Variants in EBF3 observed in about 807,000 individuals in gnomAD.
EBF3 encodes EBF transcription factor 3, also known as transcription factor COE3.
Under a neutral mutation model 77.1 loss-of-function variants are expected in EBF3, and 18 were observed. That is an observed-to-expected ratio of 0.23 (90% CI 0.16 to 0.35). The LOEUF (loss-of-function observed/expected upper bound fraction) is 0.35. Ranked by LOEUF, EBF3 falls within the 10% of genes least tolerant of loss-of-function variation. The probability of loss-of-function intolerance (pLI) is 1.00; values close to 1 mark genes in which losing one functional copy is unlikely to be tolerated. For synonymous variants in EBF3, 350 were observed against 343.5 expected (o/e 1.02, Z -0.21); for missense variants, 558 against 860.0 (o/e 0.65, Z 4.39).
At chr10:129,936,293 G>C (rs2134453765) in intron 6 of EBF3, among the ~76,000 whole-genome samples, 1 of 152,236 alleles carries the variant, frequency 6.6e-6, no homozygotes, top group African/African-American at 2.4e-5. Flanking sequence ...CATAACCCCT[G>C]CCCAGCCCAC....
intron 16 of EBF3, 136 bp from the exon 17 acceptor site, chr10:129,838,096 G>A (rs963461297): frequency 1.5e-4 from 162 of 1,079,338 alleles, no homozygotes; most frequent in South Asian, 5.6e-4. Context: ...CACCAGCCTC[G>A]GGCGTGGTTA....
chr10:129,963,582 G>GCCGGGCCGGGC lies in EBF3; in HGVS notation c.134+42_134+52dup, dbSNP rs1859705236. On this transcript the variant is annotated intron_variant, in intron 1 of 16. Transcript: ENST00000440978. The surrounding 1 kb of genome is among the most constrained non-coding windows in gnomAD (Gnocchi z 7.1). ...AGCGCGGCGCCGGCCGGCGGAGGGG[G>GCCGGGCCGGGC]CCGGGCCGGGCCGGGGCCGGGGCCA... is the stretch of plus-strand genomic sequence containing the variant. 8.1e-7 allele frequency: 1 copy of GCCGGGCCGGGC among 1,231,762 alleles called. No homozygotes were observed. Among genetic ancestry groups the GCCGGGCCGGGC allele is most frequent in the Non-Finnish European group, 1.0e-6 (1 of 980,588 alleles). 76.3% of individuals were successfully genotyped at this position (1,231,762 alleles called of 1,614,324 possible). A position where few individuals can be genotyped will look rare whatever the true frequency, so the allele number is the denominator to read the frequency against.
rs547402130 is a variant in EBF3 at position 129,895,734 on chromosome 10, T to A, written c.555-17885A>T. 3.3e-4 allele frequency among the ~76,000 whole-genome samples: 51 copies of A among 152,270 alleles called. 1 individual carries two copies. Among genetic ancestry groups the A allele is most frequent in the Admixed American group, 7.2e-4 (11 of 15,300 alleles). On this transcript the variant is annotated intron_variant, in intron 6 of 16. Coordinates refer to ENST00000440978, the MANE Select transcript of EBF3 (RefSeq NM_001375380.1). The stretch of plus-strand genomic sequence containing the variant: ...ACAAATAAACTTGTATCGATACTTG[T>A]GCCATTTTAAAATGATACTTTTGAT...
intron 5 of EBF3, 57 bp from the exon 6 acceptor site, chr10:129,957,383 C>CT: frequency 1.5e-6 from 2 of 1,330,658 alleles, no homozygotes; most frequent in South Asian, 2.8e-5. Flanking sequence ...TTATGCCCGA[C>CT]TTGTATTTTT....
At position 129,839,195 on chromosome 10, in the gene EBF3, C is replaced by T. The variant is rs1849827615; in HGVS notation, c.1760G>A (p.Gly587Asp). 1.6e-6 allele frequency: 2 copies of T among 1,256,086 alleles called. No individual in the cohort carries two copies. The highest frequency in any genetic ancestry group is 4.4e-4 in the Middle Eastern group (2 of 4,590). 77.8% of individuals were successfully genotyped at this position (1,256,086 alleles called of 1,614,324 possible). The change falls in exon 16 of 17, where the codon GGC becomes GAC. Residue 587 changes from glycine (G) to aspartate (D), a missense_variant and splice_region_variant. This residue lies in a region of EBF3 where 284 missense variants were observed against 368.3 expected (regional missense o/e 0.77). Transcript: ENST00000440978. The part of the protein sequence containing the change: ...CTSANGNGLQ[G>D]SLLGAEDVAA... ...TACGTCCTCAGCACCCAGCAGAGAG[C>T]CTGGTACATAGTAGGTGCTCAGTAA...
intron 11 of EBF3, among the ~76,000 whole-genome samples, chr10:129,846,896 C>T (rs1014850517): frequency 2.0e-5 from 3 of 151,950 alleles, no homozygotes; most frequent in Non-Finnish European, 4.4e-5. Context: ...ATGCCCATAA[C>T]TGAGAAAGTC....
chr10:129,945,932 A>G (rs1177653192), intron 6 of EBF3, among the ~76,000 whole-genome samples: 1 of 152,018 alleles, frequency 6.6e-6, no homozygotes, highest in African/African-American at 2.4e-5. Context: ...TTTTACGTTT[A>G]GTGGAGGCCG....
chr10:129,879,909 A>G lies in EBF3; in HGVS notation c.555-2060T>C, dbSNP rs1311477725. On this transcript the variant is annotated intron_variant, in intron 6 of 16. Coordinates refer to ENST00000440978, the MANE Select transcript of EBF3 (RefSeq NM_001375380.1). The surrounding 1 kb of genome is among the most constrained non-coding windows in gnomAD (Gnocchi z 4.7). The stretch of plus-strand genomic sequence containing the variant: ...GCAACACGGTGCAATTACACCACAC[A>G]TTACCACCCAGCTAATCTTCGGAGC... Among the ~76,000 whole-genome samples the G allele has an allele frequency of 6.6e-6, 1 of 152,090 alleles. No individual in the cohort carries two copies. The highest frequency in any genetic ancestry group is 1.5e-5 in the Non-Finnish European group (1 of 68,030).
chr10:129,907,597 T>A (rs899594010), intron 6 of EBF3, among the ~76,000 whole-genome samples: 7 of 152,202 alleles, frequency 4.6e-5, no homozygotes, highest in Non-Finnish European at 7.3e-5. Flanking sequence ...AGCACCAAGA[T>A]GCCTCGAAAT....
At position 129,947,492 on chromosome 10, in the gene EBF3, C is replaced by T. The variant is rs1043197537; in HGVS notation, c.554+9766G>A. On this transcript the variant is annotated intron_variant, in intron 6 of 16. Transcript: ENST00000440978. This position sits in a 1 kb window ranked among gnomAD's most constrained non-coding sequence, Gnocchi z 4.5. ...CTGAATTCATTCTGTTCTTATGCCA[C>T]GGTGCAGTATATTTGCCTTCCCAAT... is the stretch of plus-strand genomic sequence containing the variant. Among the ~76,000 whole-genome samples, 6 of 152,140 alleles carry T rather than the reference C, an allele frequency of 3.9e-5. No homozygotes were observed. The highest frequency in any genetic ancestry group is 7.3e-5 in the Non-Finnish European group (5 of 68,034).
rs1263590279 is a variant in EBF3 at position 129,841,740 on chromosome 10, G to A, written c.1372+376C>T. On this transcript the variant is annotated intron_variant, in intron 13 of 16. Transcript: ENST00000440978. The surrounding 1 kb of genome is among the most constrained non-coding windows in gnomAD (Gnocchi z 4.6). ...CGTTCCAAACTTAGACCCAAATCCC[G>A]CCGTGCAGTGCGTCCAAGCAGGCTC... Among the ~76,000 whole-genome samples the A allele has an allele frequency of 4.6e-5, 7 of 152,236 alleles. No homozygotes were observed. Among genetic ancestry groups the A allele is most frequent in the East Asian group, 1.9e-4 (1 of 5,164 alleles).
intron 6 of EBF3, among the ~76,000 whole-genome samples, chr10:129,939,653 T>A (rs1015730377): frequency 3.9e-5 from 6 of 152,232 alleles, no homozygotes; most frequent in African/African-American, 1.4e-4. Flanking sequence ...GCCATCATTC[T>A]GCTCCTCTGC....
rs1460825495 is a variant in EBF3 at position 129,842,766 on chromosome 10, A to AAG, written c.1194+370_1194+371insCT. Among the ~76,000 whole-genome samples, 1 of 150,460 alleles carries AAG rather than the reference A, an allele frequency of 6.6e-6. No individual in the cohort carries two copies. Among genetic ancestry groups the AAG allele is most frequent in the Non-Finnish European group, 1.5e-5 (1 of 67,584 alleles). The stretch of plus-strand genomic sequence containing the variant: ...GTGACAGAGCAAGACCCTGTCTAAA[A>AAG]AAAAAAAAAAAAAAAGGGAGCAACA... On this transcript the variant is annotated intron_variant, in intron 12 of 16. Coordinates refer to ENST00000440978, the MANE Select transcript of EBF3 (RefSeq NM_001375380.1). The surrounding 1 kb of genome is among the most constrained non-coding windows in gnomAD (Gnocchi z 4.4).
intron 6 of EBF3, among the ~76,000 whole-genome samples, chr10:129,888,291 G>A (rs1853760301): frequency 1.3e-5 from 2 of 152,180 alleles, no homozygotes; most frequent in East Asian, 1.9e-4. Flanking sequence ...TGGCTTTTGC[G>A]TCCTTAGATC....
rs575600984 is a variant in EBF3, at chr10:129,892,011, G to A, written c.555-14162C>T. 8.2e-4 allele frequency among the ~76,000 whole-genome samples: 125 copies of A among 152,350 alleles called. 1 individual carries two copies. Among genetic ancestry groups the A allele is most frequent in the Non-Finnish European group, 1.6e-3 (107 of 68,034 alleles). On this transcript the variant is annotated intron_variant, in intron 6 of 16. Transcript: ENST00000440978. ...ACCTGCAGCCAATCAGGCTGTTAAG[G>A]GAGATTGATGGGCCCGCCTCTCTCT...
At chr10:129,942,725 C>T (rs1334680428) in intron 6 of EBF3, among the ~76,000 whole-genome samples, 2 of 152,166 alleles carry the variant, frequency 1.3e-5, no homozygotes, top group Non-Finnish European at 2.9e-5. Context: ...AGCGTGGTGA[C>T]TGCATTGGAA....
chr10:129,870,292 G>C lies in EBF3; in HGVS notation c.782-2380C>G, dbSNP rs1456017483. On this transcript the variant is annotated intron_variant, in intron 8 of 16. Coordinates refer to ENST00000440978, the MANE Select transcript of EBF3 (RefSeq NM_001375380.1). This position sits in a 1 kb window ranked among gnomAD's most constrained non-coding sequence, Gnocchi z 4.4. ...AAAATGAATTACACAGACAGCGTTA[G>C]AGATCTAATGATATACGCGCACAAT... is the stretch of plus-strand genomic sequence containing the variant. Among the ~76,000 whole-genome samples the C allele has an allele frequency of 6.6e-6, 1 of 152,098 alleles. No individual in the cohort carries two copies. Among genetic ancestry groups the C allele is most frequent in the African/African-American group, 2.4e-5 (1 of 41,424 alleles).
chr10:129,870,656 C>T lies in EBF3; in HGVS notation c.782-2744G>A, dbSNP rs1852343030. On this transcript the variant is annotated intron_variant, in intron 8 of 16. Coordinates refer to ENST00000440978, the MANE Select transcript of EBF3 (RefSeq NM_001375380.1). This position sits in a 1 kb window ranked among gnomAD's most constrained non-coding sequence, Gnocchi z 4.4. Reference sequence around the variant, plus strand: ...AACACCCTCTGCCCATCGTGACCCCCGCCGGCTCTCCCCAGGGCCTGCGGG... The same window carrying T: ...AACACCCTCTGCCCATCGTGACCCCTGCCGGCTCTCCCCAGGGCCTGCGGG... Among the ~76,000 whole-genome samples the T allele has an allele frequency of 2.0e-5, 3 of 152,314 alleles. No homozygotes were observed. Among genetic ancestry groups the T allele is most frequent in the Admixed American group, 6.5e-5 (1 of 15,306 alleles).
chr10:129,914,255 TC>T (rs1420932154), intron 6 of EBF3, among the ~76,000 whole-genome samples: 4 of 152,036 alleles, frequency 2.6e-5, no homozygotes, highest in Non-Finnish European at 4.4e-5. Flanking sequence ...AGGAGGGCAA[TC>T]TTGCACATTT....
Sources: gnomAD v4.1 joint callset for allele counts (sites outside exome capture counted in the v4.1 genomes callset) on GRCh38, gnomAD v4.1.1 for gene constraint, gnomAD v4.1.1 regional missense constraint, Gnocchi (gnomAD v3.1) non-coding constraint, MANE v1.5 for transcripts, NCBI Gene and HGNC (gene_info 2026-07-23, HGNC 2026-07-21) for gene names.